The following PAX5 variants were observed in gnomAD, a reference collection of about 807,000 sequenced individuals.
The protein encoded by PAX5 is paired box protein Pax-5.
In PAX5, 9 loss-of-function variants were observed where a neutral mutation model predicts 43.7. That is an observed-to-expected ratio of 0.21 (90% CI 0.12 to 0.36). PAX5 has a LOEUF of 0.36. Ranked by LOEUF, PAX5 falls within the 10% of genes least tolerant of loss-of-function variation. PAX5 has a pLI of 1.00. For missense variants in PAX5, 383 were observed against 532.7 expected (o/e 0.72, Z 2.77); for synonymous variants, 228 against 214.3 (o/e 1.06, Z -0.56).
chr9:36,928,482 G>A (rs1332732441), intron 6 of PAX5, among the ~76,000 whole-genome samples: 1 of 152,202 alleles, frequency 6.6e-6, no homozygotes, highest in Non-Finnish European at 1.5e-5. Context: ...TAGAGTGGCT[G>A]TTTGTCTATC....
chr9:37,001,574 G>A (rs1837856384), intron 5 of PAX5, among the ~76,000 whole-genome samples: 1 of 152,166 alleles, frequency 6.6e-6, no homozygotes, highest in Non-Finnish European at 1.5e-5. Context: ...CACCCCCACG[G>A]TTCCAAACCG....
intron 6 of PAX5, among the ~76,000 whole-genome samples, chr9:36,963,848 G>A (rs576513389): frequency 1.2e-4 from 18 of 152,128 alleles, no homozygotes; most frequent in Non-Finnish European, 1.0e-4. Context: ...CTGGATCCCC[G>A]CTCTTCCCTG....
chr9:37,022,493 T>C (rs1839936465), intron 1 of PAX5, among the ~76,000 whole-genome samples: 1 of 152,176 alleles, frequency 6.6e-6, no homozygotes, highest in African/African-American at 2.4e-5. Context: ...TATAAGCTCA[T>C]CTGGGAAAAC....
chr9:36,913,307 T>G lies in PAX5; in HGVS notation c.910+10048A>C, dbSNP rs200317487. Among the ~76,000 whole-genome samples the G allele has an allele frequency of 8.5e-5, 13 of 152,356 alleles. 1 individual carries two copies. In the East Asian group the frequency reaches 2.5e-3, roughly 29 times the overall value. On this transcript the variant is annotated intron_variant, in intron 7 of 9. Transcript: ENST00000358127. ...CCACAGGAGGCCTCTCTCTGTCTCC[T>G]CCTCACATGCCAACTTACTGATGCA...
intron 3 of PAX5, among the ~76,000 whole-genome samples, chr9:37,011,135 A>C (rs1169208515): frequency 1.3e-5 from 2 of 151,668 alleles, no homozygotes; most frequent in African/African-American, 4.8e-5. Flanking sequence ...AAACAAAAAA[A>C]AAAAAAAAAA....
At chr9:37,031,165 G>A (rs1340390721) in intron 1 of PAX5, among the ~76,000 whole-genome samples, 1 of 152,100 alleles carries the variant, frequency 6.6e-6, no homozygotes, top group African/African-American at 2.4e-5. Flanking sequence ...ATTTAACCAG[G>A]TTTTTCAAGA....
intron 6 of PAX5, among the ~76,000 whole-genome samples, chr9:36,966,179 A>G (rs1325194664): frequency 1.3e-5 from 2 of 152,240 alleles, no homozygotes; most frequent in Admixed American, 1.3e-4. Context: ...TGCTGGTTAC[A>G]TATTTCCACC....
chr9:36,871,068 G>C (rs1265360540), intron 8 of PAX5, among the ~76,000 whole-genome samples: 1 of 152,206 alleles, frequency 6.6e-6, no homozygotes, highest in Non-Finnish European at 1.5e-5. Flanking sequence ...CAAAACAGAG[G>C]GAATTGCCAC....
In PAX5 at chr9:36,973,479, T is replaced by C. The variant is rs150424278; in HGVS notation, c.605-6755A>G. Among the ~76,000 whole-genome samples, 701 of 152,324 alleles carry C rather than the reference T, an allele frequency of 4.6e-3. 10 individuals are homozygous for C. The highest frequency in any genetic ancestry group is 0.016 in the African/African-American group (668 of 41,570). Reference sequence around the variant, plus strand: ...TCAAGTGAGTCCAATGAGCTTGGAATTGGCATCTTCAGGTGGCTGCAATGG... The same window carrying C: ...TCAAGTGAGTCCAATGAGCTTGGAACTGGCATCTTCAGGTGGCTGCAATGG... On this transcript the variant is annotated intron_variant, in intron 5 of 9. Coordinates refer to ENST00000358127, the MANE Select transcript of PAX5 (RefSeq NM_016734.3).
At chr9:36,993,793 C>G (rs965877411) in intron 5 of PAX5, among the ~76,000 whole-genome samples, 3 of 152,174 alleles carry the variant, frequency 2.0e-5, no homozygotes, top group Admixed American at 6.5e-5. Flanking sequence ...TATCCCCCTC[C>G]ATCGGCCCCA....
chr9:36,919,592 C>A (rs1306905699), intron 7 of PAX5, among the ~76,000 whole-genome samples: 1 of 151,954 alleles, frequency 6.6e-6, no homozygotes, highest in Non-Finnish European at 1.5e-5. Context: ...GCCTGTAATC[C>A]CAGCACTTTG....
intron 6 of PAX5, among the ~76,000 whole-genome samples, chr9:36,952,234 CTTTTTTTT>C (rs138009049): frequency 3.0e-5 from 2 of 66,626 alleles, no homozygotes; most frequent in Non-Finnish European, 5.1e-5. Flanking sequence ...GACCATCTCC[CTTTTTTTT>C]TTTTTTTTTT....
chr9:37,000,109 C>A (rs1837720980), intron 5 of PAX5, among the ~76,000 whole-genome samples: 1 of 152,146 alleles, frequency 6.6e-6, no homozygotes. Flanking sequence ...ACAGTCTCTG[C>A]CTCTTTACCT....
chr9:36,913,408 C>T (rs1829465222), intron 7 of PAX5, among the ~76,000 whole-genome samples: 1 of 152,236 alleles, frequency 6.6e-6, no homozygotes, highest in Non-Finnish European at 1.5e-5. Context: ...GGCAAAAGGT[C>T]AGGTGGACCC....
intron 5 of PAX5, among the ~76,000 whole-genome samples, chr9:36,977,958 G>A (rs1001461072): frequency 1.3e-5 from 2 of 152,234 alleles, no homozygotes; most frequent in Non-Finnish European, 2.9e-5. Flanking sequence ...GTTGGAGGAG[G>A]GGAAAGGGAG....
chr9:36,904,529 T>C (rs576710651), intron 7 of PAX5, among the ~76,000 whole-genome samples: 4 of 152,108 alleles, frequency 2.6e-5, no homozygotes, highest in African/African-American at 9.6e-5. Context: ...GAGTAGAAGT[T>C]CTATGGCCTC....
intron 7 of PAX5, among the ~76,000 whole-genome samples, chr9:36,920,648 GA>G: frequency 6.6e-6 from 1 of 152,172 alleles, no homozygotes; most frequent in East Asian, 1.9e-4. Context: ...TTGGATTTTG[GA>G]ATATTGGCTT....
At chr9:36,848,924 C>T (rs7465717) in intron 8 of PAX5, among the ~76,000 whole-genome samples, 144,619 of 152,244 alleles carry the variant, frequency 0.95, 69,109 homozygotes, top group East Asian at 1. Context: ...CCAATTCCTT[C>T]ATAGGATGTG....
chr9:36,993,790 C>G (rs1226902901), intron 5 of PAX5, among the ~76,000 whole-genome samples: 1 of 152,164 alleles, frequency 6.6e-6, no homozygotes, highest in East Asian at 1.9e-4. Flanking sequence ...CTATATCCCC[C>G]TCCATCGGCC....
Sources: allele counts gnomAD v4.1 joint callset (sites outside exome capture counted in the v4.1 genomes callset), GRCh38; gene constraint gnomAD v4.1.1; transcripts MANE v1.5; gene names NCBI Gene and HGNC (gene_info 2026-07-23, HGNC 2026-07-21).